Variants in ATP1A1 observed in about 807,000 individuals in gnomAD.
The protein encoded by ATP1A1 is ATPase Na+/K+ transporting subunit alpha 1.
In ATP1A1, 14 loss-of-function variants were observed where a neutral mutation model predicts 114.8. That is an observed-to-expected ratio of 0.12 (90% CI 0.08 to 0.19). The LOEUF is 0.19. Among genes scored for constraint, ATP1A1 ranks in the 10% least tolerant of loss-of-function variants. The pLI is 1.00. For synonymous variants in ATP1A1, 471 were observed against 466.3 expected (o/e 1.01, Z -0.13); for missense variants, 524 against 1,290.7 (o/e 0.41, Z 9.10).
chr1:116,383,126 A>G (rs1328414692), intron 1 of ATP1A1, among the ~76,000 whole-genome samples: 4 of 152,230 alleles, frequency 2.6e-5, no homozygotes, highest in Non-Finnish European at 5.9e-5. Context: ...CCAGTTTTCA[A>G]GAGGCGTAGG....
chr1:116,380,886 C>T (rs942294626), intron 1 of ATP1A1, among the ~76,000 whole-genome samples: 1 of 152,024 alleles, frequency 6.6e-6, no homozygotes, highest in Non-Finnish European at 1.5e-5. Context: ...TAAGCCCCTG[C>T]CCTTGCTGTG....
At position 116,390,536 on chromosome 1, in the gene ATP1A1, G is replaced by GT. The variant is rs79640523; in HGVS notation, c.1222+139dup. ...CATGGCAGCTTTTTCTTTCTTTTTT[G>GT]TTTTTTTTTTTTTTATCATTTAGTG... On this transcript the variant is annotated intron_variant, in intron 9 of 22. Coordinates refer to ENST00000295598, the MANE Select transcript of ATP1A1 (RefSeq NM_000701.8). 100,354 of 652,316 alleles carry GT rather than the reference G, an allele frequency of 0.15. 337 individuals carry two copies. Among genetic ancestry groups the GT allele is most frequent in the South Asian group, 0.17 (6,380 of 36,698 alleles). 40.4% of individuals were successfully genotyped at this position (652,316 alleles called of 1,614,324 possible).
chr1:116,373,879 G>C, intron 1 of ATP1A1: 1 of 1,274,058 alleles, frequency 7.8e-7, no homozygotes, highest in Non-Finnish European at 9.9e-7. Flanking sequence ...CAGCGGGGGC[G>C]GCCCCGGGAC....
At position 116,398,900 on chromosome 1, in the gene ATP1A1, G is replaced by T. The variant is rs1206103202; in HGVS notation, c.2294-30G>T. ...AGTTTCCAGTGTGCTTGTCTCATAA[G>T]CTAACAGTAAAAAATCTTGGTTTTC... is the stretch of plus-strand genomic sequence containing the variant. On this transcript the variant is annotated intron_variant, in intron 16 of 22. Transcript: ENST00000295598. The surrounding 1 kb of genome is among the most constrained non-coding windows in gnomAD (Gnocchi z 6.1). The T allele has an allele frequency of 6.2e-7, 1 of 1,613,662 alleles. No homozygotes were observed. The highest frequency in any genetic ancestry group is 8.5e-7 in the Non-Finnish European group (1 of 1,179,638).
At chr1:116,383,494 C>A in intron 1 of ATP1A1, 1 of 448,234 alleles carries the variant, frequency 2.2e-6, no homozygotes, top group Non-Finnish European at 3.0e-6. Flanking sequence ...TTTATCTCCA[C>A]GCTGTGGAAG....
Position 116,397,800 on chromosome 1 carries a change from T to A in ATP1A1, c.1974-88T>A. 1 of 1,455,442 alleles carries A rather than the reference T, an allele frequency of 6.9e-7. No individual in the cohort carries two copies. Among genetic ancestry groups the A allele is most frequent in the Non-Finnish European group, 9.3e-7 (1 of 1,080,744 alleles). 90.2% of individuals were successfully genotyped at this position (1,455,442 alleles called of 1,614,324 possible). A position where few individuals can be genotyped will look rare whatever the true frequency, so the allele number is the denominator to read the frequency against. On this transcript the variant is annotated intron_variant, in intron 14 of 22. Coordinates refer to ENST00000295598, the MANE Select transcript of ATP1A1 (RefSeq NM_000701.8). This position sits in a 1 kb window ranked among gnomAD's most constrained non-coding sequence, Gnocchi z 4.2. ...CTTCTTTGTTTTGTTTACAAAGTGA[T>A]CTGCATAAGAATATCCCCTCTTGAG...
At chr1:116,373,809 C>T in intron 1 of ATP1A1, 1 of 1,221,564 alleles carries the variant, frequency 8.2e-7, no homozygotes, top group Non-Finnish European at 1.0e-6. Flanking sequence ...GCCGAGCGGG[C>T]CGGGGGCTCC....
rs145264643 is a variant in ATP1A1 at position 116,391,059 on chromosome 1, G to A, written c.1332+168G>A. Reference sequence around the variant, plus strand: ...GTGTGTAACTTACATTGTGTTGCCTGTAGATCCTGATGTATTATAGGACCC... The same window carrying A: ...GTGTGTAACTTACATTGTGTTGCCTATAGATCCTGATGTATTATAGGACCC... On this transcript the variant is annotated intron_variant, in intron 10 of 22. Coordinates refer to ENST00000295598, the MANE Select transcript of ATP1A1 (RefSeq NM_000701.8). Among the ~76,000 whole-genome samples the A allele has an allele frequency of 2.1e-3, 322 of 152,322 alleles. 1 individual carries two copies. The highest frequency in any genetic ancestry group is 7.6e-3 in the African/African-American group (314 of 41,568).
At chr1:116,390,998 G>T in intron 10 of ATP1A1, 107 bp downstream of exon 10, 1 of 939,036 alleles carries the variant, frequency 1.1e-6, no homozygotes, top group East Asian at 2.4e-5. Flanking sequence ...ACTGTTCACT[G>T]TAGAACACCT....
At chr1:116,373,815 G>A (rs1651160640) in intron 1 of ATP1A1, 5 of 1,236,532 alleles carry the variant, frequency 4.0e-6, no homozygotes, top group Non-Finnish European at 5.0e-6. Flanking sequence ...CGGGCCGGGG[G>A]CTCCGAGAGG....
intron 1 of ATP1A1, chr1:116,383,422 T>C: frequency 1.1e-6 from 1 of 905,486 alleles, no homozygotes; most frequent in Non-Finnish European, 1.3e-6. Context: ...ATAAAAGTAC[T>C]AGCATTTAGA....
intron 21 of ATP1A1, among the ~76,000 whole-genome samples, chr1:116,402,503 A>C (rs1475675975): frequency 6.6e-6 from 1 of 152,186 alleles, no homozygotes; most frequent in Non-Finnish European, 1.5e-5. Context: ...TCCCTAAAGT[A>C]ACCAAAACCC....
intron 1 of ATP1A1, chr1:116,373,956 C>T: frequency 7.4e-7 from 1 of 1,351,316 alleles, no homozygotes; most frequent in Non-Finnish European, 9.5e-7. Context: ...CCTTCCTTTT[C>T]CCTCCGCCCT....
At position 116,397,786 on chromosome 1, in the gene ATP1A1, T is replaced by C; in HGVS notation, c.1974-102T>C. The C allele has an allele frequency of 1.4e-6, 2 of 1,401,172 alleles. No individual in the cohort carries two copies. The highest frequency in any genetic ancestry group is 1.9e-6 in the Non-Finnish European group (2 of 1,037,870). The allele number at this position is 1,401,172 out of a possible 1,614,324, so 86.8% of individuals were successfully genotyped here. On this transcript the variant is annotated intron_variant, in intron 14 of 22. Coordinates refer to ENST00000295598, the MANE Select transcript of ATP1A1 (RefSeq NM_000701.8). This position sits in a 1 kb window ranked among gnomAD's most constrained non-coding sequence, Gnocchi z 4.2. ...GCTGGGGAAAATTCCTTCTTTGTTT[T>C]GTTTACAAAGTGATCTGCATAAGAA...
intron 9 of ATP1A1, 112 bp downstream of exon 9, chr1:116,390,523 T>C: frequency 8.9e-7 from 1 of 1,124,184 alleles, no homozygotes; most frequent in Non-Finnish European, 1.2e-6. Flanking sequence ...TGGCAGCTTT[T>C]TCTTTCTTTT....
chr1:116,377,373 G>C (rs1319096203), intron 1 of ATP1A1, among the ~76,000 whole-genome samples: 3 of 152,214 alleles, frequency 2.0e-5, no homozygotes, highest in Non-Finnish European at 4.4e-5. Context: ...TTGTTCGTCA[G>C]TAAGTCATTA....
intron 8 of ATP1A1, 117 bp from the exon 9 acceptor site, chr1:116,390,096 A>G: frequency 9.3e-7 from 1 of 1,070,722 alleles, no homozygotes; most frequent in South Asian, 1.5e-5. Context: ...CAAACTTCAG[A>G]AGAAGGTTGG....
chr1:116,377,881 G>C (rs1362647259), intron 1 of ATP1A1, among the ~76,000 whole-genome samples: 1 of 152,196 alleles, frequency 6.6e-6, no homozygotes, highest in Admixed American at 6.5e-5. Context: ...TACATGTCCA[G>C]TACATGATAA....
chr1:116,393,753 TG>T lies in ATP1A1; in HGVS notation c.1660+33del. 3 of 1,596,924 alleles carry T rather than the reference TG, an allele frequency of 1.9e-6. No individual in the cohort carries two copies. Among genetic ancestry groups the T allele is most frequent in the Non-Finnish European group, 2.6e-6 (3 of 1,171,218 alleles). On this transcript the variant is annotated intron_variant, in intron 12 of 22. Coordinates refer to ENST00000295598, the MANE Select transcript of ATP1A1 (RefSeq NM_000701.8). The surrounding 1 kb of genome is among the most constrained non-coding windows in gnomAD (Gnocchi z 5.0). ...GCAGATAACCTGGTAACAGAGTGCC[TG>T]GGCACGTTTTTATCCAGTAACCTAG...
Sources: allele counts gnomAD v4.1 joint callset (sites outside exome capture counted in the v4.1 genomes callset), GRCh38; gene constraint gnomAD v4.1.1; non-coding constraint Gnocchi (gnomAD v3.1); transcripts MANE v1.5; gene names NCBI Gene and HGNC (gene_info 2026-07-23, HGNC 2026-07-21).